Variants in SMOC2 observed in about 807,000 individuals in gnomAD.
SMOC2 encodes the protein SPARC related modular calcium binding 2, also known as SPARC-related modular calcium-binding protein 2.
Under a neutral mutation model 61.4 loss-of-function variants are expected in SMOC2, and 39 were observed. The observed-to-expected ratio is 0.64, with a 90% CI of 0.49 to 0.83. The LOEUF (loss-of-function observed/expected upper bound fraction) is 0.83, where lower values mean the gene tolerates loss of function less well. Ranked by LOEUF, SMOC2 falls within the 40% of genes least tolerant of loss-of-function variation. The pLI, the probability that SMOC2 is intolerant of heterozygous loss-of-function variation, is 0.00. For missense variants in SMOC2, 556 were observed against 592.9 expected (o/e 0.94, Z 0.65); for synonymous variants, 247 against 239.9 (o/e 1.03, Z -0.27).
intron 7 of SMOC2, among the ~76,000 whole-genome samples, chr6:168,581,898 G>A (rs1041485673): frequency 6.6e-6 from 1 of 152,098 alleles, no homozygotes; most frequent in Non-Finnish European, 1.5e-5. Flanking sequence ...GTCTCCTTCA[G>A]CCTCAGCTCT....
In SMOC2 at chr6:168,475,970, T is replaced by G. The variant is rs757440923; in HGVS notation, c.85-33945T>G. On this transcript the variant is annotated intron_variant, in intron 1 of 12. Transcript: ENST00000356284. This position sits in a 1 kb window ranked among gnomAD's most constrained non-coding sequence, Gnocchi z 4.6. ...CTGAGGTTTGCTAACCGTAGTCCAC[T>G]TGGGACCTTCCCACACGTGGTCTCC... Among the ~76,000 whole-genome samples the G allele has an allele frequency of 6.6e-6, 1 of 151,994 alleles. No homozygotes were observed. Among genetic ancestry groups the G allele is most frequent in the Non-Finnish European group, 1.5e-5 (1 of 67,970 alleles).
intron 3 of SMOC2, among the ~76,000 whole-genome samples, chr6:168,527,153 G>A (rs573647227): frequency 2.0e-5 from 3 of 152,282 alleles, no homozygotes; most frequent in South Asian, 2.1e-4. Context: ...GAGAGACAAC[G>A]AGGGAGAGAA....
chr6:168,518,786 A>G (rs935739506), intron 2 of SMOC2, among the ~76,000 whole-genome samples: 1 of 144,010 alleles, frequency 6.9e-6, no homozygotes, highest in Non-Finnish European at 1.5e-5. Context: ...CATGTGTGAA[A>G]GCATGTATGT....
chr6:168,652,863 AG>A (rs1287887992), intron 10 of SMOC2, 90 bp from the exon 11 acceptor site: 2 of 1,233,742 alleles, frequency 1.6e-6, no homozygotes, highest in African/African-American at 3.0e-5. Flanking sequence ...GAGAACTACA[AG>A]CAGGGGTTAT....
chr6:168,504,647 C>T (rs1782818680), intron 1 of SMOC2, among the ~76,000 whole-genome samples: 1 of 152,052 alleles, frequency 6.6e-6, no homozygotes, highest in Non-Finnish European at 1.5e-5. Context: ...AGATATCCCC[C>T]CAGATCAGCT....
chr6:168,636,602 C>T (rs1446748943), intron 9 of SMOC2, among the ~76,000 whole-genome samples: 5 of 152,234 alleles, frequency 3.3e-5, no homozygotes, highest in African/African-American at 1.2e-4. Context: ...CGAAGGAGTA[C>T]ACACTCACAA....
chr6:168,579,517 A>G (rs537860809), intron 7 of SMOC2, among the ~76,000 whole-genome samples: 8 of 152,276 alleles, frequency 5.3e-5, no homozygotes, highest in Admixed American at 2.6e-4. Flanking sequence ...TCCTTTAAAT[A>G]GATTCAGTGT....
chr6:168,642,864 G>A (rs1433730252), intron 9 of SMOC2, among the ~76,000 whole-genome samples: 1 of 152,178 alleles, frequency 6.6e-6, no homozygotes, highest in African/African-American at 2.4e-5. Context: ...GTAATGACAG[G>A]CGTCAAATGC....
At chr6:168,580,099 T>C (rs1028579024) in intron 7 of SMOC2, among the ~76,000 whole-genome samples, 2 of 152,108 alleles carry the variant, frequency 1.3e-5, no homozygotes, top group Non-Finnish European at 2.9e-5. Context: ...AAGACGTAGT[T>C]TTCCCTCCTC....
intron 9 of SMOC2, among the ~76,000 whole-genome samples, chr6:168,647,222 G>A (rs541210406): frequency 1.2e-4 from 18 of 152,290 alleles, no homozygotes; most frequent in Admixed American, 8.5e-4. Flanking sequence ...GAGCCTGCAT[G>A]CGGCAGTTTT....
In SMOC2 at chr6:168,618,422, T is replaced by TAAG. The variant is rs35535194; in HGVS notation, c.907+10184_907+10185insAGA. Among the ~76,000 whole-genome samples the TAAG allele has an allele frequency of 4.7e-5, 3 of 63,730 alleles. 1 individual carries two copies. The highest frequency in any genetic ancestry group is 2.1e-4 in the African/African-American group (3 of 14,388). The allele number at this position is 63,730 out of a possible 152,430, so 41.8% of individuals were successfully genotyped here. A position where few individuals can be genotyped will look rare whatever the true frequency, so the allele number is the denominator to read the frequency against. On this transcript the variant is annotated intron_variant, in intron 9 of 12. Coordinates refer to ENST00000356284, the MANE Select transcript of SMOC2 (RefSeq NM_001166412.2). ...GTGGAGGAAAGGCGGGTAGTGGCAT[T>TAAG]AGGAGAGTGGAGGAGAGGCGGGTAG...
intron 1 of SMOC2, among the ~76,000 whole-genome samples, chr6:168,461,715 T>C (rs894324528): frequency 5.3e-5 from 8 of 152,234 alleles, no homozygotes; most frequent in African/African-American, 1.7e-4. Flanking sequence ...TGGAGACATC[T>C]GGCTGTCACC....
At chr6:168,527,863 T>A in intron 4 of SMOC2, 136 bp downstream of exon 4, 1 of 664,936 alleles carries the variant, frequency 1.5e-6, no homozygotes, top group Admixed American at 2.3e-5. Flanking sequence ...ACAGTGGGAA[T>A]AGATCTCGTC....
At position 168,609,354 on chromosome 6, in the gene SMOC2, A is replaced by AT. The variant is rs58171068; in HGVS notation, c.907+1124dup. Among the ~76,000 whole-genome samples, 113 of 151,210 alleles carry AT rather than the reference A, an allele frequency of 7.5e-4. 1 individual carries two copies. Among genetic ancestry groups the AT allele is most frequent in the South Asian group, 3.1e-3 (15 of 4,780 alleles). Reference sequence around the variant, plus strand: ...TTTGAGGAATCTGTTGGTTCTAGTAATTTTTTTTTAATGAGAGTATGGTCC... The same window carrying AT: ...TTTGAGGAATCTGTTGGTTCTAGTAATTTTTTTTTTAATGAGAGTATGGTCC... On this transcript the variant is annotated intron_variant, in intron 9 of 12. Coordinates refer to ENST00000356284, the MANE Select transcript of SMOC2 (RefSeq NM_001166412.2).
At chr6:168,618,581 G>T (rs1263073377) in intron 9 of SMOC2, among the ~76,000 whole-genome samples, 1 of 151,560 alleles carries the variant, frequency 6.6e-6, no homozygotes, top group East Asian at 2.0e-4. Context: ...GTGGGTAGTG[G>T]CATTAAGAGG....
chr6:168,665,540 G>A (rs972113779), intron 12 of SMOC2, among the ~76,000 whole-genome samples: 8 of 152,272 alleles, frequency 5.3e-5, no homozygotes, highest in Non-Finnish European at 7.3e-5. Flanking sequence ...TGATGCTAAT[G>A]TGGAATCCAG....
chr6:168,448,276 G>A (rs1016601751), intron 1 of SMOC2, among the ~76,000 whole-genome samples: 4 of 152,220 alleles, frequency 2.6e-5, no homozygotes, highest in African/African-American at 9.6e-5. Flanking sequence ...GCTTTCAGGA[G>A]CAAAGCAGAA....
intron 1 of SMOC2, among the ~76,000 whole-genome samples, chr6:168,504,454 C>T (rs571851519): frequency 2.9e-4 from 44 of 150,628 alleles, no homozygotes; most frequent in African/African-American, 6.1e-4. Context: ...ATAAGGAACC[C>T]GCAACCTAGA....
intron 9 of SMOC2, among the ~76,000 whole-genome samples, chr6:168,627,574 A>T (rs1236844719): frequency 6.6e-6 from 1 of 152,222 alleles, no homozygotes; most frequent in Non-Finnish European, 1.5e-5. Flanking sequence ...TCCAATTCAA[A>T]CAAGAAATCA....
Sources: gnomAD v4.1 joint callset for allele counts (sites outside exome capture counted in the v4.1 genomes callset) on GRCh38, gnomAD v4.1.1 for gene constraint, Gnocchi (gnomAD v3.1) non-coding constraint, MANE v1.5 for transcripts, NCBI Gene and HGNC (gene_info 2026-07-23, HGNC 2026-07-21) for gene names.